RFX7: variants seen among roughly 807,000 people sequenced by gnomAD.
RFX7 encodes the protein DNA-binding protein RFX7.
Under a neutral mutation model 111.8 loss-of-function variants are expected in RFX7, and 26 were observed. The observed-to-expected ratio is 0.23, with a 90% confidence interval of 0.17 to 0.32. RFX7 has a LOEUF of 0.32. Among genes scored for constraint, RFX7 ranks in the 10% least tolerant of loss-of-function variants. The pLI, the probability that RFX7 is intolerant of heterozygous loss-of-function variation, is 1.00. For missense variants in RFX7, 1,573 were observed against 1,772.9 expected (o/e 0.89, Z 2.02); for synonymous variants, 624 against 624.4 (o/e 1.00, Z 0.01).
intron 2 of RFX7, among the ~76,000 whole-genome samples, chr15:56,231,261 T>C (rs2043553935): frequency 6.6e-6 from 1 of 152,218 alleles, no homozygotes; most frequent in Non-Finnish European, 1.5e-5. Context: ...AATTATGGTC[T>C]TGGCAGTCAT....
intron 5 of RFX7, among the ~76,000 whole-genome samples, chr15:56,122,911 C>T (rs576548389): frequency 7.9e-5 from 12 of 152,050 alleles, no homozygotes; most frequent in Non-Finnish European, 1.8e-4. Flanking sequence ...ATCTGGGACT[C>T]ACCCTTCAGA....
At chr15:56,207,549 T>C (rs1253414070) in intron 2 of RFX7, among the ~76,000 whole-genome samples, 1 of 152,002 alleles carries the variant, frequency 6.6e-6, no homozygotes, top group Non-Finnish European at 1.5e-5. Flanking sequence ...ATGTAAAACA[T>C]AGAAATACAA....
At position 56,214,925 on chromosome 15, in the gene RFX7, T is replaced by C. The variant is rs139489917; in HGVS notation, c.161+28200A>G. Among the ~76,000 whole-genome samples, 618 of 152,256 alleles carry C rather than the reference T, an allele frequency of 4.1e-3. 9 individuals are homozygous for C. Among genetic ancestry groups the C allele is most frequent in the African/African-American group, 0.014 (598 of 41,550 alleles). ...TAACGTATGGTAAGTTAGCTTCTAATTATTAAGTTTTACTCATTTTTTTAA... is the reference window on the plus strand; with the variant it reads ...TAACGTATGGTAAGTTAGCTTCTAACTATTAAGTTTTACTCATTTTTTTAA... On this transcript the variant is annotated intron_variant, in intron 2 of 9. Coordinates refer to ENST00000559447, the MANE Select transcript of RFX7 (RefSeq NM_022841.7).
At position 56,096,221 on chromosome 15, in the gene RFX7, C is replaced by G; in HGVS notation, c.1507G>C (p.Glu503Gln). 1.2e-6 allele frequency: 2 copies of G among 1,613,964 alleles called. No homozygotes were observed. The highest frequency in any genetic ancestry group is 1.7e-6 in the Non-Finnish European group (2 of 1,179,856). Residue 503 changes from glutamate (E) to glutamine (Q), a missense_variant, in exon 10 of 10, where the codon GAA (glutamate) becomes CAA (glutamine). Transcript: ENST00000559447. ...ASVSSATGTT[E>Q]ESRSVPQIKN... is the part of the protein sequence containing the mutation. ...ATCTGTGGAACACTCCTTGATTCTTCTGTTGTTCCTGTAGCACTGCTGACT... is the reference window on the plus strand; with the variant it reads ...ATCTGTGGAACACTCCTTGATTCTTGTGTTGTTCCTGTAGCACTGCTGACT...
At chr15:56,222,526 C>A (rs1445622993) in intron 2 of RFX7, among the ~76,000 whole-genome samples, 1 of 152,092 alleles carries the variant, frequency 6.6e-6, no homozygotes, top group Admixed American at 6.6e-5. Context: ...TTGTTCATTT[C>A]TTTTTCCTCT....
chr15:56,179,643 C>A (rs1385024938), intron 2 of RFX7, among the ~76,000 whole-genome samples: 1 of 152,018 alleles, frequency 6.6e-6, no homozygotes, highest in African/African-American at 2.4e-5. Context: ...TTTTTACTGT[C>A]TGCCTGCCAC....
chr15:56,223,629 C>T (rs1376487690), intron 2 of RFX7, among the ~76,000 whole-genome samples: 2 of 152,108 alleles, frequency 1.3e-5, no homozygotes, highest in Non-Finnish European at 2.9e-5. Flanking sequence ...AAGTTTAATA[C>T]ATACTCATCA....
At position 56,141,656 on chromosome 15, in the gene RFX7, A is replaced by ACTATATATATAT. The variant is rs1555421058; in HGVS notation, c.401+1121_401+1122insATATATATATAG. ...TAATGAAGAATCTATGCTTACTCTA[A>ACTATATATATAT]ATATATATATATATATATATGCATA... On this transcript the variant is annotated intron_variant, in intron 5 of 9. Coordinates refer to ENST00000559447, the MANE Select transcript of RFX7 (RefSeq NM_022841.7). 1.2e-3 allele frequency among the ~76,000 whole-genome samples: 102 copies of ACTATATATATAT among 83,076 alleles called. 8 individuals are homozygous for ACTATATATATAT. Among genetic ancestry groups the ACTATATATATAT allele is most frequent in the East Asian group, 2.1e-3 (6 of 2,924 alleles). 54.5% of individuals were successfully genotyped at this position (83,076 alleles called of 152,430 possible).
At chr15:56,218,673 C>G (rs1251121695) in intron 2 of RFX7, among the ~76,000 whole-genome samples, 1 of 152,080 alleles carries the variant, frequency 6.6e-6, no homozygotes, top group Non-Finnish European at 1.5e-5. Context: ...GTGTAGCGAG[C>G]AACAAAGAAG....
intron 3 of RFX7, among the ~76,000 whole-genome samples, chr15:56,151,893 A>C (rs2042574632): frequency 6.6e-6 from 1 of 152,206 alleles, no homozygotes; most frequent in African/African-American, 2.4e-5. Context: ...AGCAAAAAAA[A>C]GTAGGGGTTG....
chr15:56,144,816 C>T (rs756138265), intron 3 of RFX7, among the ~76,000 whole-genome samples: 6 of 152,036 alleles, frequency 3.9e-5, no homozygotes, highest in Non-Finnish European at 7.4e-5. Context: ...AGTACTGGAC[C>T]AGGAATCAAG....
chr15:56,095,573 A>G lies in RFX7; in HGVS notation c.2155T>C (p.Ser719Pro). The change falls in exon 10 of 10, where the codon TCA (serine) becomes CCA (proline). Residue 719 changes from serine to proline, a missense_variant. Transcript: ENST00000559447. ...CCTATGTGTGAACTGACATTTACTG[A>G]TACCTTGCTAGGAATCTGAGCACCT... Reference protein sequence around the residue: ...TAGAQIPSKVSVNVSSHIGAN... With the variant: ...TAGAQIPSKVPVNVSSHIGAN... The G allele has an allele frequency of 5.0e-6, 8 of 1,613,944 alleles. No homozygotes were observed. Among genetic ancestry groups the G allele is most frequent in the Non-Finnish European group, 6.8e-6 (8 of 1,179,844 alleles).
chr15:56,204,314 T>C (rs2043228013), intron 2 of RFX7, among the ~76,000 whole-genome samples: 1 of 152,134 alleles, frequency 6.6e-6, no homozygotes, highest in Admixed American at 6.5e-5. Flanking sequence ...CCACCGAGCC[T>C]GGCCTGATCA....
intron 3 of RFX7, among the ~76,000 whole-genome samples, chr15:56,148,643 G>A (rs1270822264): frequency 1.3e-5 from 2 of 152,192 alleles, no homozygotes; most frequent in Non-Finnish European, 2.9e-5. Flanking sequence ...AGGTGCAAGT[G>A]TAGAGGTGAA....
chr15:56,223,470 C>T (rs770543259), intron 2 of RFX7, among the ~76,000 whole-genome samples: 22 of 152,118 alleles, frequency 1.4e-4, no homozygotes, highest in African/African-American at 4.6e-4. Context: ...CTATGGTTGG[C>T]TATCTAATGC....
chr15:56,208,362 A>G (rs1485254935), intron 2 of RFX7, among the ~76,000 whole-genome samples: 2 of 152,140 alleles, frequency 1.3e-5, no homozygotes, highest in Non-Finnish European at 1.5e-5. Context: ...AGCACTTGTG[A>G]AGTTTACAGG....
intron 5 of RFX7, among the ~76,000 whole-genome samples, chr15:56,118,387 T>G (rs774833359): frequency 1.3e-5 from 2 of 152,098 alleles, no homozygotes; most frequent in South Asian, 2.1e-4. Flanking sequence ...CTACTGTATC[T>G]CCATGAGTTC....
chr15:56,235,188 T>G (rs1423870675), intron 2 of RFX7, among the ~76,000 whole-genome samples: 16 of 151,926 alleles, frequency 1.1e-4, no homozygotes, highest in African/African-American at 3.6e-4. Flanking sequence ...TGTTTTTTTT[T>G]TTTGAGATGG....
intron 2 of RFX7, among the ~76,000 whole-genome samples, chr15:56,201,347 C>T (rs774157542): frequency 6.6e-5 from 10 of 152,052 alleles, no homozygotes; most frequent in Admixed American, 3.3e-4. Context: ...CAAAACAATT[C>T]GAAAACCAAT....
Sources: gnomAD v4.1 joint callset for allele counts (sites outside exome capture counted in the v4.1 genomes callset) on GRCh38, gnomAD v4.1.1 for gene constraint, MANE v1.5 for transcripts, NCBI Gene and HGNC (gene_info 2026-07-23, HGNC 2026-07-21) for gene names.